The following QTGAL variants were observed in gnomAD, a reference collection of about 807,000 sequenced individuals.
QTGAL encodes queuosine-tRNA galactosyltransferase.
the QTGAL span, among the ~76,000 whole-genome samples, chr17:83,043,401 AACCATAT>A: frequency 6.6e-6 from 1 of 152,246 alleles, no homozygotes; most frequent in Non-Finnish European, 1.5e-5. Flanking sequence ...ATGAAAGCTA[AACCATAT>A]ACTCTTCAGC....
chr17:82,977,725 G>T, the QTGAL span, among the ~76,000 whole-genome samples: 6 of 152,220 alleles, frequency 3.9e-5, no homozygotes, highest in African/African-American at 1.4e-4. Context: ...GGCACTGGAC[G>T]CAGGGCAGGA....
the QTGAL span, among the ~76,000 whole-genome samples, chr17:82,971,269 C>T: frequency 2.6e-4 from 40 of 152,188 alleles, no homozygotes; most frequent in Non-Finnish European, 3.8e-4. Context: ...TTAGTGACAA[C>T]GATCCAGAAA....
chr17:82,955,493 A>G, the QTGAL span, among the ~76,000 whole-genome samples: 1 of 152,242 alleles, frequency 6.6e-6, no homozygotes, highest in African/African-American at 2.4e-5. Flanking sequence ...AAAAATCAAG[A>G]AACAACAGAT....
the QTGAL span, among the ~76,000 whole-genome samples, chr17:83,010,194 T>C: frequency 6.6e-6 from 1 of 152,042 alleles, no homozygotes; most frequent in Admixed American, 6.6e-5. Flanking sequence ...GCGGCTCTTC[T>C]CCAGCACTGC....
chr17:82,958,640 G>A, the QTGAL span, among the ~76,000 whole-genome samples: 384 of 152,292 alleles, frequency 2.5e-3, 1 homozygote, highest in Non-Finnish European at 4.1e-3. Context: ...CCCTCTGTCA[G>A]CTCAGGGAGC....
chr17:83,001,168 G>A, the QTGAL span, among the ~76,000 whole-genome samples: 2 of 152,200 alleles, frequency 1.3e-5, no homozygotes, highest in African/African-American at 2.4e-5. Flanking sequence ...ACAAATCACT[G>A]TAAATCCCAT....
At chr17:83,027,277 A>G in the QTGAL span, among the ~76,000 whole-genome samples, 1 of 152,254 alleles carries the variant, frequency 6.6e-6, no homozygotes, top group Middle Eastern at 3.2e-3. Flanking sequence ...AATTCCATGG[A>G]GAAAAGAAAG....
chr17:82,954,594 C>T, the QTGAL span, among the ~76,000 whole-genome samples: 1 of 152,172 alleles, frequency 6.6e-6, no homozygotes, highest in Non-Finnish European at 1.5e-5. Flanking sequence ...TCCCATCAAG[C>T]TGCCATTGAC....
chr17:82,942,296 C>T, the QTGAL span: 14 of 1,087,488 alleles, frequency 1.3e-5, 1 homozygote, highest in South Asian at 1.8e-4. Context: ...AGCCACATAG[C>T]TCAGGCTGCC....
At chr17:83,042,582 G>T in the QTGAL span, among the ~76,000 whole-genome samples, 1 of 152,094 alleles carries the variant, frequency 6.6e-6, no homozygotes, top group Admixed American at 6.6e-5. Context: ...AATCAAAATG[G>T]CACATCGGAA....
At chr17:83,005,202 A>G in the QTGAL span, 1 of 1,605,902 alleles carries the variant, frequency 6.2e-7, no homozygotes, top group Non-Finnish European at 8.5e-7. This position sits in a 1 kb window ranked among gnomAD's most constrained non-coding sequence, Gnocchi z 5.6. Flanking sequence ...TCACTCTGCA[A>G]CCAATGATCT....
At chr17:82,970,802 A>C in the QTGAL span, among the ~76,000 whole-genome samples, 2 of 152,360 alleles carry the variant, frequency 1.3e-5, no homozygotes, top group African/African-American at 2.4e-5. Context: ...GACTTGGTAT[A>C]GGAAAAAGAA....
the QTGAL span, among the ~76,000 whole-genome samples, chr17:83,047,847 A>AT: frequency 7.7e-6 from 1 of 130,164 alleles, no homozygotes; most frequent in East Asian, 2.4e-4. Context: ...AGAATAAGAA[A>AT]TTTAGGTCTA....
At chr17:83,043,759 T>C in the QTGAL span, among the ~76,000 whole-genome samples, 2 of 151,996 alleles carry the variant, frequency 1.3e-5, no homozygotes, top group African/African-American at 4.8e-5. Context: ...CAAACCCAGC[T>C]AGACTGAGAA....
chr17:83,020,383 G>A, the QTGAL span, among the ~76,000 whole-genome samples: 6 of 152,112 alleles, frequency 3.9e-5, no homozygotes, highest in Non-Finnish European at 5.9e-5. Flanking sequence ...CCCAGGAGCC[G>A]AGTCCACTTC....
the QTGAL span, among the ~76,000 whole-genome samples, chr17:83,008,915 A>C: frequency 6.6e-6 from 1 of 152,208 alleles, no homozygotes; most frequent in Admixed American, 6.5e-5. Flanking sequence ...TCCAGAGGTG[A>C]GGATGCCTGC....
chr17:82,942,671 CAA>C, the QTGAL span: 1 of 627,204 alleles, frequency 1.6e-6, no homozygotes, highest in South Asian at 1.9e-5. Context: ...CACTTGAACA[CAA>C]ATGTGCTTCC....
the QTGAL span, among the ~76,000 whole-genome samples, chr17:82,967,954 T>C: frequency 6.6e-6 from 1 of 151,618 alleles, no homozygotes; most frequent in East Asian, 1.9e-4. Context: ...ATATAAAAAG[T>C]AAAAATAAAA....
At chr17:82,952,016 C>T in the QTGAL span, among the ~76,000 whole-genome samples, 1 of 152,116 alleles carries the variant, frequency 6.6e-6, no homozygotes, top group African/African-American at 2.4e-5. Flanking sequence ...AAGAGGGGCA[C>T]TGATGGGGTT....
Sources: allele counts gnomAD v4.1 joint callset (sites outside exome capture counted in the v4.1 genomes callset), GRCh38; gene constraint gnomAD v4.1.1; non-coding constraint Gnocchi (gnomAD v3.1); transcripts MANE v1.5; gene names NCBI Gene and HGNC (gene_info 2026-07-23, HGNC 2026-07-21).